The following BCAP31 variants were observed in gnomAD, a reference collection of about 807,000 sequenced individuals.
BCAP31 encodes the protein B cell receptor associated protein 31.
For synonymous variants in BCAP31, 75 were observed against 80.9 expected, an observed-to-expected ratio of 0.93 and a Z score of 0.39; for missense variants, 124 against 193.0, an observed-to-expected ratio of 0.64 and a Z score of 2.12.
In BCAP31 at chrX:153,723,149, A is replaced by G. The variant is rs782080260; in HGVS notation, c.92+4T>C. 8.2e-5 allele frequency: 99 copies of G among 1,207,522 alleles called. No individual in the cohort carries two copies. The highest frequency in any genetic ancestry group is 1.3e-4 in the Admixed American group (6 of 45,453). On this transcript the variant is annotated splice_donor_region_variant and intron_variant, in intron 2 of 7. Coordinates refer to ENST00000345046, the MANE Select transcript of BCAP31 (RefSeq NM_001256447.2). ...AACTCGCCTGCTTGCTCCATAGGCC[A>G]TACCTTTTAGGAGAAATGAAGGGAA...
chrX:153,704,132 A>G (rs1569539947), intron 4 of BCAP31, 38 bp from the exon 5 acceptor site: 1 of 1,183,089 alleles, frequency 8.5e-7, no homozygotes, highest in Non-Finnish European at 1.1e-6. Flanking sequence ...AAGTGAGAAA[A>G]AGAGCATGAA....
At chrX:153,702,720 T>C (rs1401992058) in intron 6 of BCAP31, among the ~76,000 whole-genome samples, 15 of 112,783 alleles carry the variant, frequency 1.3e-4, no homozygotes, top group African/African-American at 4.8e-4. Context: ...TGGTTCCTCC[T>C]GAGCCCCATT....
chrX:153,702,176 T>C, intron 6 of BCAP31, 69 bp from the exon 7 acceptor site: 1 of 935,407 alleles, frequency 1.1e-6, no homozygotes, highest in East Asian at 3.2e-5. Context: ...AAAACCCGAC[T>C]GCTACAGACA....
chrX:153,723,609 C>T (rs1054665621), intron 1 of BCAP31: 16 of 1,167,039 alleles, frequency 1.4e-5, no homozygotes, highest in Non-Finnish European at 1.7e-5. Context: ...AACTGAAAGG[C>T]GTTCTTCGGG....
intron 4 of BCAP31, among the ~76,000 whole-genome samples, chrX:153,710,615 C>T (rs2091584987): frequency 8.9e-6 from 1 of 112,024 alleles, no homozygotes; most frequent in Non-Finnish European, 1.9e-5. Context: ...GACTCTCCCA[C>T]TGCTATCCCA....
chrX:153,701,048 GC>G (rs2148369214), intron 7 of BCAP31, 73 bp from the exon 8 acceptor site: 1 of 966,741 alleles, frequency 1.0e-6, no homozygotes, highest in Non-Finnish European at 1.5e-6. Context: ...CCAGCCCCAT[GC>G]CCCAGAGGTC....
At chrX:153,718,046 T>C (rs2091641350) in intron 3 of BCAP31, among the ~76,000 whole-genome samples, 1 of 111,745 alleles carries the variant, frequency 8.9e-6, no homozygotes, top group Non-Finnish European at 1.9e-5. Flanking sequence ...CCGGACACAG[T>C]GGCTCATGCC....
chrX:153,701,801 G>A (rs1287310835), intron 7 of BCAP31, among the ~76,000 whole-genome samples: 1 of 113,114 alleles, frequency 8.8e-6, no homozygotes, highest in Non-Finnish European at 1.9e-5. Flanking sequence ...CCTGAGGGCC[G>A]CCTTGGCAAG....
chrX:153,709,920 G>A (rs781858723), intron 4 of BCAP31, among the ~76,000 whole-genome samples: 3 of 112,802 alleles, frequency 2.7e-5, no homozygotes, highest in South Asian at 7.3e-4. Context: ...AGCTGCGTGT[G>A]CAGGCTGCCC....
Position 153,724,342 on chromosome X carries a change from CCA to C in BCAP31, c.-55_-54del, listed in dbSNP as rs1207109984. On this transcript the variant is annotated 5_prime_UTR_variant, in exon 1 of 8. Transcript: ENST00000345046. ...GCGCGGAGCCCGCTCACCGAGTTTC[CCA>C]CAGTCAACGTGCAGGCCCCGCCGCA... is the stretch of plus-strand genomic sequence containing the variant. The C allele has an allele frequency of 6.5e-6, 1 of 154,058 alleles. No homozygotes were observed. Among genetic ancestry groups the C allele is most frequent in the East Asian group, 2.7e-4 (1 of 3,731 alleles). 12.7% of individuals were successfully genotyped at this position (154,058 alleles called of 1,213,427 possible).
intron 4 of BCAP31, among the ~76,000 whole-genome samples, chrX:153,707,831 G>A (rs1285777313): frequency 8.9e-6 from 1 of 112,916 alleles, no homozygotes; most frequent in African/African-American, 3.2e-5. Flanking sequence ...ACATTTTCCC[G>A]CTCCCTCACA....
In BCAP31 at chrX:153,702,090, T is replaced by C. The variant is rs201920029; in HGVS notation, c.619A>G (p.Asn207Asp). ...TGCTTCCGCATGGCCAGAACCTGGT[T>C]TTCAGCTTTCTCTAGTTCTTGAAAT... ...STKQKLEKAE[N>D]QVLAMRKQSE... The change falls in exon 7 of 8, where the codon AAC becomes GAC. Residue 207 changes from asparagine to aspartate, a missense_variant. Transcript: ENST00000345046. 3.1e-5 allele frequency: 37 copies of C among 1,204,837 alleles called. No individual in the cohort carries two copies. The highest frequency in any genetic ancestry group is 1.6e-4 in the South Asian group (9 of 56,420).
chrX:153,712,845 T>C (rs975934229), intron 4 of BCAP31, among the ~76,000 whole-genome samples: 1 of 112,175 alleles, frequency 8.9e-6, no homozygotes. Flanking sequence ...GACCTTGGCT[T>C]TCTGTGTGAT....
At chrX:153,719,072 G>C (rs1446591658) in intron 3 of BCAP31, among the ~76,000 whole-genome samples, 1 of 111,770 alleles carries the variant, frequency 8.9e-6, no homozygotes, top group Non-Finnish European at 1.9e-5. Context: ...TGTCCCCCTA[G>C]AACTTCCAAG....
chrX:153,721,233 C>G (rs782324548), intron 2 of BCAP31: 1 of 274,194 alleles, frequency 3.6e-6, no homozygotes, highest in Non-Finnish European at 6.5e-6. Flanking sequence ...GTCAGGAGTG[C>G]AAGACCAAAC....
At chrX:153,723,091 T>C in intron 2 of BCAP31, 62 bp downstream of exon 2, 1 of 1,171,453 alleles carries the variant, frequency 8.5e-7, no homozygotes, top group Non-Finnish European at 1.2e-6. Context: ...CACACACCAG[T>C]CCCAGGGCTA....
intron 4 of BCAP31, among the ~76,000 whole-genome samples, chrX:153,709,164 C>G (rs200649386): frequency 9.0e-6 from 1 of 110,771 alleles, no homozygotes; most frequent in African/African-American, 3.3e-5. Flanking sequence ...TAGAGAGCAA[C>G]CGACTGAGGT....
At chrX:153,712,860 T>C (rs1021247784) in intron 4 of BCAP31, among the ~76,000 whole-genome samples, 2 of 112,151 alleles carry the variant, frequency 1.8e-5, no homozygotes, top group African/African-American at 3.2e-5. Context: ...TGTGATGCTC[T>C]TGTCCAGCCT....
chrX:153,708,182 G>C (rs1309554124), intron 4 of BCAP31, among the ~76,000 whole-genome samples: 1 of 112,319 alleles, frequency 8.9e-6, no homozygotes, highest in Non-Finnish European at 1.9e-5. Flanking sequence ...GAATGTTGTT[G>C]GACACTGAGC....
Sources: gnomAD v4.1 joint callset for allele counts (sites outside exome capture counted in the v4.1 genomes callset) on GRCh38, gnomAD v4.1.1 for gene constraint, MANE v1.5 for transcripts, NCBI Gene and HGNC (gene_info 2026-07-23, HGNC 2026-07-21) for gene names.